The following PDE1A variants were observed in gnomAD, a reference collection of about 807,000 sequenced individuals.
The protein encoded by PDE1A is dual specificity calcium/calmodulin-dependent 3',5'-cyclic nucleotide phosphodiesterase 1A.
Under a neutral mutation model 61.7 loss-of-function variants are expected in PDE1A, and 35 were observed. The observed-to-expected ratio is 0.57, with a 90% CI of 0.43 to 0.75. The LOEUF (loss-of-function observed/expected upper bound fraction) is 0.75, where lower values mean the gene tolerates loss of function less well. Ranked by LOEUF, PDE1A falls within the 30% of genes least tolerant of loss-of-function variation. PDE1A has a pLI of 0.00. For synonymous variants in PDE1A, 232 were observed against 213.2 expected, an observed-to-expected ratio of 1.09 and a Z score of -0.77; for missense variants, 597 against 630.6, an observed-to-expected ratio of 0.95 and a Z score of 0.57.
chr2:182,463,289 A>T (rs1233691912), intron 2 of PDE1A, among the ~76,000 whole-genome samples: 1 of 151,668 alleles, frequency 6.6e-6, no homozygotes, highest in Non-Finnish European at 1.5e-5. Context: ...AAAAACAAAA[A>T]ATTTAAGGGT....
At chr2:182,340,140 T>C (rs1490328637) in intron 1 of PDE1A, among the ~76,000 whole-genome samples, 1 of 152,222 alleles carries the variant, frequency 6.6e-6, no homozygotes, top group Non-Finnish European at 1.5e-5. Flanking sequence ...TTTGTAGATT[T>C]ATAAAATTGT....
the PDE1A span, among the ~76,000 whole-genome samples, chr2:182,609,174 C>A: frequency 6.6e-6 from 1 of 152,202 alleles, no homozygotes; most frequent in Non-Finnish European, 1.5e-5. Context: ...CACTCTGTAT[C>A]TAGCTAATCT....
At chr2:182,697,244 T>C in the PDE1A span, among the ~76,000 whole-genome samples, 1 of 152,214 alleles carries the variant, frequency 6.6e-6, no homozygotes, top group Non-Finnish European at 1.5e-5. Context: ...GGAAGGAACA[T>C]GGACCTTGGG....
At chr2:182,601,810 T>C in the PDE1A span, among the ~76,000 whole-genome samples, 8 of 152,218 alleles carry the variant, frequency 5.3e-5, no homozygotes, top group African/African-American at 1.9e-4. Context: ...AGCTTCTCTC[T>C]GCTGCTGGTC....
intron 13 of PDE1A, among the ~76,000 whole-genome samples, chr2:182,178,841 C>G (rs901796519): frequency 2.0e-5 from 3 of 151,994 alleles, no homozygotes; most frequent in Non-Finnish European, 4.4e-5. Flanking sequence ...GATGTGGGGG[C>G]CTGCCGTGGG....
the PDE1A span, among the ~76,000 whole-genome samples, chr2:182,675,007 G>T: frequency 5.3e-5 from 8 of 152,008 alleles, no homozygotes; most frequent in Admixed American, 4.6e-4. Flanking sequence ...TGCTACATAG[G>T]TAAACTTGTG....
At chr2:182,582,997 C>T in the PDE1A span, among the ~76,000 whole-genome samples, 1 of 152,102 alleles carries the variant, frequency 6.6e-6, no homozygotes, top group Non-Finnish European at 1.5e-5. Flanking sequence ...TTTAAAATAA[C>T]TACAGCATAG....
intron 1 of PDE1A, among the ~76,000 whole-genome samples, chr2:182,391,299 A>T (rs530064782): frequency 6.6e-6 from 1 of 152,188 alleles, no homozygotes; most frequent in South Asian, 2.1e-4. Context: ...CCATATCTGC[A>T]TTTAATGTTG....
chr2:182,220,789 A>C (rs1024067912), intron 7 of PDE1A, among the ~76,000 whole-genome samples: 4 of 152,072 alleles, frequency 2.6e-5, no homozygotes, highest in African/African-American at 9.7e-5. Context: ...AAACACTCTC[A>C]ATCCAAGTAA....
intron 1 of PDE1A, among the ~76,000 whole-genome samples, chr2:182,387,381 C>G (rs1232767059): frequency 2.0e-5 from 3 of 150,970 alleles, no homozygotes; most frequent in Admixed American, 6.6e-5. Context: ...CCTGCCAAAT[C>G]CCCCTCTGCC....
chr2:182,685,575 C>A, the PDE1A span, among the ~76,000 whole-genome samples: 1 of 152,104 alleles, frequency 6.6e-6, no homozygotes, highest in African/African-American at 2.4e-5. Context: ...AAATTGTGAA[C>A]AATCAGTGCT....
the PDE1A span, among the ~76,000 whole-genome samples, chr2:182,574,425 T>A: frequency 6.6e-6 from 1 of 152,106 alleles, no homozygotes; most frequent in Non-Finnish European, 1.5e-5. Context: ...CCTGAGATCA[T>A]ACATAATCTT....
At chr2:182,587,802 T>C in the PDE1A span, among the ~76,000 whole-genome samples, 2 of 152,196 alleles carry the variant, frequency 1.3e-5, no homozygotes, top group Admixed American at 6.5e-5. Flanking sequence ...AATACGTTCA[T>C]TACATAAGCA....
chr2:182,368,469 C>T (rs1247205161), intron 1 of PDE1A, among the ~76,000 whole-genome samples: 1 of 151,744 alleles, frequency 6.6e-6, no homozygotes, highest in Non-Finnish European at 1.5e-5. Flanking sequence ...CTCACTTGTC[C>T]TATAGAATGT....
chr2:182,402,698 G>A (rs1183948343), intron 1 of PDE1A, among the ~76,000 whole-genome samples: 2 of 152,262 alleles, frequency 1.3e-5, no homozygotes, highest in East Asian at 3.9e-4. Flanking sequence ...AAACTAAAGA[G>A]CTTCTGCACA....
chr2:182,528,709 C>T, the PDE1A span, among the ~76,000 whole-genome samples: 7 of 152,118 alleles, frequency 4.6e-5, no homozygotes, highest in Non-Finnish European at 1.0e-4. Flanking sequence ...GTGGGCCAGG[C>T]CCAAGGCTCC....
chr2:182,440,132 G>T (rs1322292212), intron 2 of PDE1A, among the ~76,000 whole-genome samples: 1 of 151,982 alleles, frequency 6.6e-6, no homozygotes, highest in Non-Finnish European at 1.5e-5. Flanking sequence ...CTTCCTTTCA[G>T]GATTCATTTC....
At chr2:182,667,729 G>C in the PDE1A span, among the ~76,000 whole-genome samples, 2 of 152,244 alleles carry the variant, frequency 1.3e-5, no homozygotes, top group African/African-American at 4.8e-5. Context: ...AAGAGATTCT[G>C]TCACAGAGGG....
At chr2:182,191,815 G>T (rs1171627748) in intron 10 of PDE1A, among the ~76,000 whole-genome samples, 4 of 150,660 alleles carry the variant, frequency 2.7e-5, no homozygotes, top group African/African-American at 9.7e-5. Context: ...GATAACTTTG[G>T]CCTGAGAAAG....
Sources: allele counts gnomAD v4.1 joint callset (sites outside exome capture counted in the v4.1 genomes callset), GRCh38; gene constraint gnomAD v4.1.1; transcripts MANE v1.5; gene names NCBI Gene and HGNC (gene_info 2026-07-23, HGNC 2026-07-21).